NAA60: variants seen among roughly 807,000 people sequenced by gnomAD.
NAA60 encodes the protein N-alpha-acetyltransferase 60.
In NAA60, 8 loss-of-function variants were observed where a neutral mutation model predicts 26.1. That is an observed-to-expected ratio of 0.31 (90% confidence interval 0.18 to 0.55). The LOEUF (loss-of-function observed/expected upper bound fraction) is 0.55. Among genes scored for constraint, NAA60 ranks in the 20% least tolerant of loss-of-function variants. The pLI is 0.93. For synonymous variants in NAA60, 131 were observed against 122.5 expected, an observed-to-expected ratio of 1.07 and a Z score of -0.46; for missense variants, 290 against 311.3, an observed-to-expected ratio of 0.93 and a Z score of 0.51.
intron 4 of NAA60, 132 bp from the exon 5 acceptor site, chr16:3,482,370 G>A: frequency 1.4e-6 from 1 of 725,164 alleles, no homozygotes; most frequent in South Asian, 1.6e-5. Flanking sequence ...AGTACCTCTT[G>A]ATTCTGCCCC....
intron 2 of NAA60, among the ~76,000 whole-genome samples, chr16:3,461,318 A>G (rs74511232): frequency 0.014 from 2,122 of 152,306 alleles, 31 homozygotes; most frequent in Non-Finnish European, 0.025. Flanking sequence ...CCTTGTCAAC[A>G]GTGAATGCTG....
intron 4 of NAA60, among the ~76,000 whole-genome samples, chr16:3,480,538 A>C (rs1192812763): frequency 6.6e-6 from 1 of 151,798 alleles, no homozygotes; most frequent in Non-Finnish European, 1.5e-5. Context: ...CAGAGGTTGC[A>C]GTGAGCCGAG....
At chr16:3,475,774 G>A (rs1012610944) in intron 2 of NAA60, among the ~76,000 whole-genome samples, 3 of 152,178 alleles carry the variant, frequency 2.0e-5, no homozygotes, top group Non-Finnish European at 4.4e-5. Flanking sequence ...TCACTGCCCC[G>A]GCCACCGGGC....
chr16:3,459,116 T>TC (rs1418224271), intron 2 of NAA60, among the ~76,000 whole-genome samples: 1 of 152,224 alleles, frequency 6.6e-6, no homozygotes, highest in Non-Finnish European at 1.5e-5. Flanking sequence ...ACAGAGTAGT[T>TC]CGCTTTGGTA....
At chr16:3,482,820 C>G in intron 5 of NAA60, 1 of 588,548 alleles carries the variant, frequency 1.7e-6, no homozygotes, top group African/African-American at 1.9e-5. Context: ...TCCACATGCC[C>G]CCAGGCCTTT....
chr16:3,484,512 T>G (rs2037051238), intron 6 of NAA60, 187 bp from the exon 7 acceptor site: 4 of 716,252 alleles, frequency 5.6e-6, no homozygotes, highest in Non-Finnish European at 9.1e-6. Flanking sequence ...CTCTGTTGTT[T>G]TGCACAGCAG....
intron 2 of NAA60, chr16:3,457,015 C>T (rs1218345701): frequency 2.0e-5 from 3 of 152,028 alleles, no homozygotes; most frequent in Admixed American, 6.6e-5. Flanking sequence ...TGGTCTGGAA[C>T]TCCTGACCTC....
intron 2 of NAA60, among the ~76,000 whole-genome samples, chr16:3,465,038 C>T (rs973084914): frequency 2.0e-5 from 3 of 152,004 alleles, no homozygotes; most frequent in African/African-American, 2.4e-5. Flanking sequence ...GAGTCTGAGG[C>T]GGGTGGATCA....
intron 2 of NAA60, among the ~76,000 whole-genome samples, chr16:3,466,219 T>C (rs1414577806): frequency 1.3e-5 from 2 of 152,254 alleles, no homozygotes; most frequent in African/African-American, 4.8e-5. Flanking sequence ...GTCACTCCTC[T>C]GTCCTTGAAG....
In NAA60 at chr16:3,478,593, A is replaced by G. The variant is rs150271034; in HGVS notation, c.111-878A>G. ...GTTAATGACCATGTCCTGGGCCTTTATGCCCACTGTTTTTTTTGCCTGCTC... is the reference window on the plus strand; with the variant it reads ...GTTAATGACCATGTCCTGGGCCTTTGTGCCCACTGTTTTTTTTGCCTGCTC... On this transcript the variant is annotated intron_variant, in intron 3 of 7. Transcript: ENST00000407558. Among the ~76,000 whole-genome samples the G allele has an allele frequency of 1.4e-3, 211 of 152,200 alleles. 1 individual carries two copies. Among genetic ancestry groups the G allele is most frequent in the Middle Eastern group, 6.8e-3 (2 of 294 alleles).
At chr16:3,445,164 T>A (rs1169271813) in intron 1 of NAA60, among the ~76,000 whole-genome samples, 3 of 152,166 alleles carry the variant, frequency 2.0e-5, no homozygotes, top group Non-Finnish European at 4.4e-5. Flanking sequence ...AGCATATATG[T>A]TGAAGAAGAG....
chr16:3,449,926 C>A, intron 2 of NAA60: 1 of 395,678 alleles, frequency 2.5e-6, no homozygotes, highest in South Asian at 1.4e-4. Context: ...GAGGCCTCCC[C>A]AGCCACGTGG....
At chr16:3,480,251 CCAA>C (rs2036741093) in intron 4 of NAA60, among the ~76,000 whole-genome samples, 1 of 152,180 alleles carries the variant, frequency 6.6e-6, no homozygotes, top group Non-Finnish European at 1.5e-5. Flanking sequence ...GAAAAACCCA[CCAA>C]CAACTGGCAG....
In NAA60 at chr16:3,476,223, T is replaced by C; in HGVS notation, c.-5T>C. ...CGTCCCCCCCACCCTTCCCCACAGG[T>C]GTGAATGACAGAGGTGGTGCCATCC... On this transcript the variant is annotated splice_region_variant and 5_prime_UTR_variant, in exon 3 of 8. Transcript: ENST00000407558. 7.3e-7 allele frequency: 1 copy of C among 1,361,648 alleles called. No homozygotes were observed. The allele number at this position is 1,361,648 out of a possible 1,614,324, so 84.3% of individuals were successfully genotyped here. A position where few individuals can be genotyped will look rare whatever the true frequency, so the allele number is the denominator to read the frequency against.
At chr16:3,454,098 G>A (rs1486759568) in intron 2 of NAA60, among the ~76,000 whole-genome samples, 1 of 152,232 alleles carries the variant, frequency 6.6e-6, no homozygotes, top group Non-Finnish European at 1.5e-5. Flanking sequence ...TGGCCTTGGA[G>A]ATTCATGGGA....
In NAA60 at chr16:3,484,812, G is replaced by A. The variant is rs991461534; in HGVS notation, c.686G>A (p.Gly229Asp). ...CTCTGCAGCTTCCTGCCATGGTCGG[G>A]CATCTCTTCCAAGAGTGGCATCGAG... ...SLLCSFLPWS[G>D]ISSKSGIEYS... The change falls in exon 7 of 8, where the codon GGC (glycine) becomes GAC (aspartate). Residue 229 changes from glycine to aspartate, a missense_variant. Gly to Asp is a moderately conservative substitution (Grantham distance 94, BLOSUM62 -1). Transcript: ENST00000407558. 3.2e-6 allele frequency: 5 copies of A among 1,573,998 alleles called. No individual in the cohort carries two copies. The highest frequency in any genetic ancestry group is 2.6e-6 in the Non-Finnish European group (3 of 1,160,684).
intron 1 of NAA60, among the ~76,000 whole-genome samples, chr16:3,447,326 T>A (rs1412047878): frequency 6.6e-6 from 1 of 152,196 alleles, no homozygotes; most frequent in East Asian, 1.9e-4. Context: ...TATGGGTACA[T>A]AGTAGGTGTA....
chr16:3,484,382 G>A (rs938623970), intron 6 of NAA60, among the ~76,000 whole-genome samples: 7 of 152,178 alleles, frequency 4.6e-5, no homozygotes, highest in African/African-American at 1.7e-4. Context: ...AGAATCTAGG[G>A]AGAACCAGAA....
rs1482140886 is a variant in NAA60 at position 3,458,014 on chromosome 16, G to C, written c.-7+9474G>C. On this transcript the variant is annotated intron_variant, in intron 2 of 7. Coordinates refer to ENST00000407558, the MANE Select transcript of NAA60 (RefSeq NM_001083601.3). ...GGCTTCCGGGCTGCGCTGCCGGCAG[G>C]GAGCGGGAGGCGGAAGTGCCGCGGG... The C allele has an allele frequency of 9.1e-6, 9 of 985,232 alleles. No homozygotes were observed. In the South Asian group the frequency reaches 4.2e-4, roughly 46 times the overall value. The allele number at this position is 985,232 out of a possible 1,614,324, so 61.0% of individuals were successfully genotyped here.
Sources: gnomAD v4.1 joint callset for allele counts (sites outside exome capture counted in the v4.1 genomes callset) on GRCh38, gnomAD v4.1.1 for gene constraint, MANE v1.5 for transcripts, NCBI Gene and HGNC (gene_info 2026-07-23, HGNC 2026-07-21) for gene names.